Variants in PATJ observed in about 807,000 individuals in gnomAD.
The protein encoded by PATJ is PATJ crumbs cell polarity complex component, also known as inaD-like protein.
Under a neutral mutation model 224.9 loss-of-function variants are expected in PATJ, and 190 were observed. The observed-to-expected ratio is 0.84, with a 90% confidence interval of 0.75 to 0.95. PATJ has a LOEUF of 0.95. Ranked by LOEUF, PATJ falls within the 40% of genes least tolerant of loss-of-function variation. PATJ has a pLI of 0.00. For synonymous variants in PATJ, 769 were observed against 820.3 expected (o/e 0.94, Z 1.07); for missense variants, 2,121 against 2,270.3 (o/e 0.93, Z 1.34).
intron 24 of PATJ, among the ~76,000 whole-genome samples, chr1:61,906,410 G>T (rs1483314049): frequency 6.6e-6 from 1 of 152,120 alleles, no homozygotes; most frequent in Non-Finnish European, 1.5e-5. Context: ...CCATCCCGAG[G>T]CTATCCAGGG....
intron 28 of PATJ, among the ~76,000 whole-genome samples, chr1:62,004,972 A>G (rs1646002104): frequency 6.6e-6 from 1 of 152,170 alleles, no homozygotes; most frequent in Non-Finnish European, 1.5e-5. Context: ...ATGACAATGC[A>G]TCTACATCTG....
intron 27 of PATJ, among the ~76,000 whole-genome samples, chr1:61,959,067 A>G (rs1680844545): frequency 6.6e-6 from 1 of 152,060 alleles, no homozygotes; most frequent in Non-Finnish European, 1.5e-5. Flanking sequence ...GATTGAAAGG[A>G]GGAGGAGGTT....
At chr1:62,125,254 C>CAAAAAAAAAAAAAAAAAAA (rs779305398) in intron 39 of PATJ, among the ~76,000 whole-genome samples, 3 of 71,422 alleles carry the variant, frequency 4.2e-5, no homozygotes, top group African/African-American at 6.0e-5. Flanking sequence ...AAAAAAAAAA[C>CAAAAAAAAAAAAAAAAAAA]AAAAAAAAAC....
intron 26 of PATJ, among the ~76,000 whole-genome samples, chr1:61,916,240 A>G (rs1673442879): frequency 6.6e-6 from 1 of 152,142 alleles, no homozygotes; most frequent in Non-Finnish European, 1.5e-5. Context: ...CCTACCACCT[A>G]AAGATAAACT....
intron 5 of PATJ, among the ~76,000 whole-genome samples, chr1:61,769,998 G>A (rs1646509763): frequency 6.6e-6 from 1 of 151,804 alleles, no homozygotes; most frequent in Non-Finnish European, 1.5e-5. Flanking sequence ...CTTTTATTTT[G>A]TCTCTGTTTG....
At chr1:61,773,983 G>A (rs1201233011) in intron 6 of PATJ, among the ~76,000 whole-genome samples, 1 of 151,712 alleles carries the variant, frequency 6.6e-6, no homozygotes, top group African/African-American at 2.4e-5. Context: ...AGCCGGGCGT[G>A]GTGGCAGGTA....
chr1:61,939,349 A>G (rs1677415960), intron 27 of PATJ, among the ~76,000 whole-genome samples: 1 of 77,144 alleles, frequency 1.3e-5, no homozygotes, highest in African/African-American at 5.6e-5. Context: ...ACACACAGTC[A>G]GAAGAAAGAC....
chr1:61,973,657 A>G (rs1311362988), intron 27 of PATJ, among the ~76,000 whole-genome samples: 2 of 151,888 alleles, frequency 1.3e-5, no homozygotes, highest in Non-Finnish European at 2.9e-5. Context: ...ACTTAGCCCA[A>G]CCCCAGCACA....
intron 7 of PATJ, among the ~76,000 whole-genome samples, chr1:61,783,720 G>GT (rs1420064483): frequency 6.1e-5 from 8 of 130,992 alleles, no homozygotes; most frequent in East Asian, 2.2e-4. Flanking sequence ...AGTAATGTGA[G>GT]TTTTTTTTTA....
Position 61,875,243 on chromosome 1 carries a change from A to T in PATJ, c.2836A>T (p.Met946Leu), listed in dbSNP as rs1211895657. 3 of 1,581,584 alleles carry T rather than the reference A, an allele frequency of 1.9e-6. No individual in the cohort carries two copies. The African/African-American group carries it at 4.1e-5, about 21-fold the overall frequency. Residue 946 changes from methionine to leucine, a missense_variant and splice_region_variant, in exon 21 of 44, where the codon ATG (methionine) becomes TTG (leucine). Met to Leu is a conservative substitution (Grantham distance 15). Coordinates refer to ENST00000642238, the MANE Select transcript of PATJ (RefSeq NM_001350145.3). ...CATTTCTATTTTTCTTCCTCTCAAG[A>T]TGAAAGAAAATTTTGTCATGGAGTC... ...QPYGYCPENV[M>L]KENFVMESLP...
intron 27 of PATJ, among the ~76,000 whole-genome samples, chr1:61,966,179 C>A (rs1557958040): frequency 6.6e-6 from 1 of 151,536 alleles, no homozygotes; most frequent in Non-Finnish European, 1.5e-5. Context: ...GGATTACAGG[C>A]GTGAGCCACC....
intron 26 of PATJ, among the ~76,000 whole-genome samples, chr1:61,921,549 A>C (rs1388031435): frequency 6.6e-6 from 1 of 152,122 alleles, no homozygotes; most frequent in African/African-American, 2.4e-5. Flanking sequence ...ATTCTTTGTC[A>C]ATCTTTTAGA....
intron 27 of PATJ, among the ~76,000 whole-genome samples, chr1:61,935,993 A>T (rs551753952): frequency 1.3e-5 from 2 of 152,192 alleles, no homozygotes; most frequent in South Asian, 4.1e-4. Flanking sequence ...CTTAGAAGGG[A>T]TAACTTTAAA....
At chr1:61,834,028 A>G (rs906733034) in intron 17 of PATJ, among the ~76,000 whole-genome samples, 2 of 152,170 alleles carry the variant, frequency 1.3e-5, no homozygotes, top group African/African-American at 4.8e-5. Context: ...GTGCTTTTAG[A>G]GCAGGATCTT....
chr1:62,082,191 T>C (rs1659367714), intron 32 of PATJ, among the ~76,000 whole-genome samples: 1 of 152,064 alleles, frequency 6.6e-6, no homozygotes, highest in South Asian at 2.1e-4. Flanking sequence ...CTTCTAAATA[T>C]GGCACTTTTT....
At chr1:62,056,535 AAAG>A (rs1654571728) in intron 31 of PATJ, among the ~76,000 whole-genome samples, 1 of 152,048 alleles carries the variant, frequency 6.6e-6, no homozygotes, top group South Asian at 2.1e-4. Context: ...CTCAAAAAAA[AAAG>A]TTGTGGCCGA....
chr1:62,136,404 T>G (rs897205000), intron 41 of PATJ, among the ~76,000 whole-genome samples: 2 of 151,954 alleles, frequency 1.3e-5, no homozygotes, highest in Non-Finnish European at 2.9e-5. Flanking sequence ...GTCACTAGAT[T>G]CTGGACAAAA....
chr1:62,068,085 G>A (rs532937664), intron 31 of PATJ, among the ~76,000 whole-genome samples: 7 of 152,284 alleles, frequency 4.6e-5, no homozygotes, highest in East Asian at 1.9e-4. Flanking sequence ...GTGAGCCACC[G>A]CGCCTGGCCT....
chr1:62,153,856 G>A (rs771021328), intron 43 of PATJ, among the ~76,000 whole-genome samples: 1 of 152,116 alleles, frequency 6.6e-6, no homozygotes, highest in Non-Finnish European at 1.5e-5. Flanking sequence ...AGGCACCAGG[G>A]GGCTGAGGCA....
Sources: gnomAD v4.1 joint callset for allele counts (sites outside exome capture counted in the v4.1 genomes callset) on GRCh38, gnomAD v4.1.1 for gene constraint, MANE v1.5 for transcripts, NCBI Gene and HGNC (gene_info 2026-07-23, HGNC 2026-07-21) for gene names.